The following PCDHA3 variants were observed in gnomAD, a reference collection of about 807,000 sequenced individuals.
PCDHA3 encodes the protein protocadherin alpha 3.
In PCDHA3, 41 loss-of-function variants were observed where a neutral mutation model predicts 62.2. The ratio of observed to expected loss-of-function variants is 0.66; its 90% CI spans 0.51 to 0.86. PCDHA3 has a LOEUF of 0.86. PCDHA3 is among the 40% of genes least tolerant of loss of function. The pLI is 0.00. For missense variants in PCDHA3, 1,304 were observed against 1,241.2 expected (o/e 1.05, Z -0.76); for synonymous variants, 640 against 555.4 (o/e 1.15, Z -2.14).
chr5:140,826,267 G>A (rs1263304586), intron 1 of PCDHA3, among the ~76,000 whole-genome samples: 1 of 152,096 alleles, frequency 6.6e-6, no homozygotes, highest in Non-Finnish European at 1.5e-5. Flanking sequence ...AAGTCTTTAT[G>A]TATATTTTGT....
At chr5:141,003,173 G>A (rs782452600) in intron 3 of PCDHA3, among the ~76,000 whole-genome samples, 6 of 152,174 alleles carry the variant, frequency 3.9e-5, no homozygotes, top group Non-Finnish European at 5.9e-5. Context: ...AGTCCCTGAG[G>A]CTCAACTCCA....
intron 1 of PCDHA3, among the ~76,000 whole-genome samples, chr5:140,962,827 C>T (rs1229108981): frequency 6.6e-6 from 1 of 152,164 alleles, no homozygotes; most frequent in East Asian, 1.9e-4. Flanking sequence ...GACCATTTGT[C>T]TCTTTTTTAT....
intron 1 of PCDHA3, chr5:140,928,095 G>T (rs782045221): frequency 1.9e-6 from 3 of 1,614,190 alleles, no homozygotes; most frequent in Non-Finnish European, 1.7e-6. Flanking sequence ...TGATTGATGG[G>T]CCCCTGGACC....
intron 1 of PCDHA3, among the ~76,000 whole-genome samples, chr5:140,894,090 C>T (rs1554185919): frequency 6.6e-6 from 1 of 152,154 alleles, no homozygotes; most frequent in African/African-American, 2.4e-5. Flanking sequence ...CCAGTATCTT[C>T]TAGCTCCTGG....
At chr5:140,857,791 G>T in intron 1 of PCDHA3, 1 of 1,597,714 alleles carries the variant, frequency 6.3e-7, no homozygotes, top group Non-Finnish European at 8.6e-7. Context: ...AGCTGGTGCT[G>T]CGGTCGGTGG....
chr5:140,955,397 A>G (rs1470827673), intron 1 of PCDHA3, among the ~76,000 whole-genome samples: 1 of 152,130 alleles, frequency 6.6e-6, no homozygotes, highest in Non-Finnish European at 1.5e-5. Context: ...CAATTATCCC[A>G]TACAGTTCTC....
At chr5:140,958,442 T>C (rs1554223476) in intron 1 of PCDHA3, among the ~76,000 whole-genome samples, 1 of 152,178 alleles carries the variant, frequency 6.6e-6, no homozygotes, top group Non-Finnish European at 1.5e-5. Flanking sequence ...AATTTAAAAA[T>C]ACCTTTTATT....
chr5:140,898,737 G>T (rs2066951107), intron 1 of PCDHA3, among the ~76,000 whole-genome samples: 1 of 152,102 alleles, frequency 6.6e-6, no homozygotes, highest in African/African-American at 2.4e-5. Flanking sequence ...AAAGTCATTG[G>T]TAGCTTGATG....
chr5:140,848,134 AC>A (rs1781341160), intron 1 of PCDHA3: 1 of 192,738 alleles, frequency 5.2e-6, no homozygotes, highest in South Asian at 1.3e-4. Context: ...GTCATACAAA[AC>A]TTTTAGAGGC....
At chr5:140,833,795 C>G (rs959887752) in intron 1 of PCDHA3, among the ~76,000 whole-genome samples, 2 of 152,096 alleles carry the variant, frequency 1.3e-5, no homozygotes, top group African/African-American at 4.8e-5. Context: ...TTTCATCAAT[C>G]AGTAGATTCT....
chr5:140,803,171 A>C lies in PCDHA3; in HGVS notation c.1974A>C (p.Ser658=), dbSNP rs1289199401. 3 of 1,613,746 alleles carry C rather than the reference A, an allele frequency of 1.9e-6. No individual in the cohort carries two copies. The East Asian group carries it at 6.7e-5, about 36-fold the overall frequency. The change falls in exon 1 of 4, where the codon TCA becomes TCC. Residue 658 remains serine (S), a synonymous_variant. Coordinates refer to ENST00000522353, the MANE Select transcript of PCDHA3 (RefSeq NM_018906.3). ...LVLVKDHGEP[S]LTATATVLVS... is the part of the protein sequence containing the mutation. ...TGGTGAAGGACCACGGTGAACCCTC[A>C]TTGACCGCCACGGCCACTGTGCTGG... is the stretch of plus-strand genomic sequence containing the variant.
In PCDHA3 at chr5:140,802,300, T is replaced by C. The variant is rs373674603; in HGVS notation, c.1103T>C (p.Val368Ala). ...PVLEDSPLST[V>A]IALISVSDRD... ...TTAGAAGACTCTCCACTTAGCACAG[T>C]CATCGCTCTGATCAGCGTGTCCGAC... Residue 368 changes from valine (V) to alanine (A), a missense_variant, in exon 1 of 4, where the codon GTC becomes GCC. Coordinates refer to ENST00000522353, the MANE Select transcript of PCDHA3 (RefSeq NM_018906.3). The C allele has an allele frequency of 1.2e-6, 2 of 1,614,236 alleles. No individual in the cohort carries two copies. The highest frequency in any genetic ancestry group is 1.7e-6 in the Non-Finnish European group (2 of 1,180,032).
chr5:140,922,953 G>A (rs2081086867), intron 1 of PCDHA3, among the ~76,000 whole-genome samples: 1 of 152,168 alleles, frequency 6.6e-6, no homozygotes, highest in Non-Finnish European at 1.5e-5. Context: ...AATCCAGTTT[G>A]TCTTCAGCCA....
intron 3 of PCDHA3, among the ~76,000 whole-genome samples, chr5:140,987,422 G>A (rs1554249178): frequency 6.6e-6 from 1 of 152,152 alleles, no homozygotes; most frequent in Non-Finnish European, 1.5e-5. Flanking sequence ...CTTGTGAGAA[G>A]CAGGGGGCCT....
At chr5:141,002,333 G>A (rs782123745) in intron 3 of PCDHA3, among the ~76,000 whole-genome samples, 15 of 152,314 alleles carry the variant, frequency 9.8e-5, no homozygotes, top group Non-Finnish European at 1.8e-4. Flanking sequence ...GGCTGCATCC[G>A]CACCCCTTCC....
chr5:140,910,257 A>G (rs1428252762), intron 1 of PCDHA3, among the ~76,000 whole-genome samples: 1 of 152,202 alleles, frequency 6.6e-6, no homozygotes, highest in East Asian at 1.9e-4. Flanking sequence ...TAGGCTTCCT[A>G]TCATTTTCAC....
At chr5:140,884,549 G>C (rs782470468) in intron 1 of PCDHA3, 2 of 1,614,016 alleles carry the variant, frequency 1.2e-6, no homozygotes, top group Non-Finnish European at 1.7e-6. Flanking sequence ...GGTGTGCTCT[G>C]GGGAGGGCCC....
intron 3 of PCDHA3, among the ~76,000 whole-genome samples, chr5:141,007,673 A>C (rs2098339698): frequency 6.6e-6 from 1 of 152,136 alleles, no homozygotes; most frequent in African/African-American, 2.4e-5. Flanking sequence ...ACAAAGACAA[A>C]AGTTATCCTA....
At chr5:140,824,617 T>TTTTTTTTTTG (rs1768243563) in intron 1 of PCDHA3, 1 of 128,156 alleles carries the variant, frequency 7.8e-6, no homozygotes, top group African/African-American at 3.5e-5. Context: ...AAAGTTTTTT[T>TTTTTTTTTTG]TTTTTTTTTT....
Sources: allele counts gnomAD v4.1 joint callset (sites outside exome capture counted in the v4.1 genomes callset), GRCh38; gene constraint gnomAD v4.1.1; transcripts MANE v1.5; gene names NCBI Gene and HGNC (gene_info 2026-07-23, HGNC 2026-07-21).